Variants in NPAS3 observed in about 807,000 individuals in gnomAD.
NPAS3 encodes neuronal PAS domain-containing protein 3.
A neutral mutation model predicts 73.1 loss-of-function variants in NPAS3; 14 were observed. That is an observed-to-expected ratio of 0.19 (90% CI 0.13 to 0.30). The LOEUF is 0.30. NPAS3 is among the 10% of genes least tolerant of loss of function. The pLI, the probability that NPAS3 is intolerant of heterozygous loss-of-function variation, is 1.00. For missense variants in NPAS3, 1,096 were observed against 1,250.0 expected (o/e 0.88, Z 1.86); for synonymous variants, 620 against 541.5 (o/e 1.14, Z -2.01).
At chr14:33,281,589 G>A (rs547469101) in intron 3 of NPAS3, among the ~76,000 whole-genome samples, 5 of 152,244 alleles carry the variant, frequency 3.3e-5, no homozygotes, top group Admixed American at 6.5e-5. Context: ...CCAAGATCGC[G>A]TCATTGCACT....
intron 4 of NPAS3, among the ~76,000 whole-genome samples, chr14:33,432,886 T>C (rs1341675716): frequency 6.6e-6 from 1 of 152,208 alleles, no homozygotes; most frequent in Non-Finnish European, 1.5e-5. Context: ...ACCAATAATT[T>C]TAGTAATGAA....
At chr14:33,699,161 CAT>C (rs1406689145) in intron 6 of NPAS3, among the ~76,000 whole-genome samples, 2 of 152,080 alleles carry the variant, frequency 1.3e-5, no homozygotes, top group African/African-American at 2.4e-5. Context: ...CAAAAAAAAA[CAT>C]GTGCATGTGT....
chr14:33,555,889 G>GGT (rs142802411), intron 4 of NPAS3, among the ~76,000 whole-genome samples: 42,605 of 148,252 alleles, frequency 0.29, 5,978 homozygotes, highest in African/African-American at 0.31. Context: ...AATTGTTGTT[G>GGT]GTGTGTCTGT....
intron 1 of NPAS3, among the ~76,000 whole-genome samples, chr14:32,984,154 A>G (rs1221811069): frequency 1.3e-5 from 2 of 152,246 alleles, no homozygotes; most frequent in African/African-American, 4.8e-5. Context: ...ATGTTGTGAA[A>G]GAGAGTTGCC....
intron 7 of NPAS3, among the ~76,000 whole-genome samples, chr14:33,765,481 AG>A (rs771372417): frequency 5.9e-5 from 9 of 152,060 alleles, no homozygotes; most frequent in Non-Finnish European, 1.0e-4. Context: ...ACAGCACTAC[AG>A]TGCAGCCCAC....
At chr14:33,753,410 A>T (rs1319119042) in intron 7 of NPAS3, among the ~76,000 whole-genome samples, 1 of 151,782 alleles carries the variant, frequency 6.6e-6, no homozygotes, top group East Asian at 1.9e-4. Context: ...GCTCAAAAGA[A>T]CATTCCCAAG....
chr14:33,585,665 A>C lies in NPAS3; in HGVS notation c.558+25455A>C, dbSNP rs1284408946. 2.0e-5 allele frequency among the ~76,000 whole-genome samples: 3 copies of C among 152,206 alleles called. No individual in the cohort carries two copies. The East Asian group carries it at 5.8e-4, about 29-fold the overall frequency. ...ATGACTCTTATATTAATCTTAAGCT[A>C]TGCAATGCCAACCTATTATCAGAAC... On this transcript the variant is annotated intron_variant, in intron 5 of 11. Transcript: ENST00000356141.
At chr14:33,583,451 G>A (rs958662641) in intron 5 of NPAS3, 1 of 152,138 alleles carries the variant, frequency 6.6e-6, no homozygotes, top group African/African-American at 2.4e-5. Flanking sequence ...TTCTTGCTTA[G>A]TGGTCTTTTA....
chr14:33,551,832 T>A (rs1332782157), intron 4 of NPAS3, among the ~76,000 whole-genome samples: 1 of 152,220 alleles, frequency 6.6e-6, no homozygotes. Flanking sequence ...GTCTTTTGAC[T>A]GCATGTTTTC....
At chr14:33,689,004 A>G (rs1021385181) in intron 6 of NPAS3, among the ~76,000 whole-genome samples, 4 of 152,224 alleles carry the variant, frequency 2.6e-5, no homozygotes, top group Non-Finnish European at 5.9e-5. Context: ...AGGTTACCCT[A>G]ATAATTGAGA....
chr14:33,773,812 C>T (rs954099369), intron 7 of NPAS3, among the ~76,000 whole-genome samples: 1 of 152,220 alleles, frequency 6.6e-6, no homozygotes, highest in African/African-American at 2.4e-5. Flanking sequence ...CAGGAAATAT[C>T]TATCCTTGAA....
intron 2 of NPAS3, among the ~76,000 whole-genome samples, chr14:33,099,422 T>C (rs187760564): frequency 2.1e-4 from 32 of 152,302 alleles, no homozygotes; most frequent in African/African-American, 7.7e-4. Flanking sequence ...CCATGGACTC[T>C]ATGAATCTCA....
At chr14:33,616,328 G>A (rs1423112824) in intron 5 of NPAS3, among the ~76,000 whole-genome samples, 2 of 152,290 alleles carry the variant, frequency 1.3e-5, no homozygotes, top group Middle Eastern at 3.4e-3. Context: ...TGTTCTGAAA[G>A]ATGTTCTTGA....
intron 2 of NPAS3, among the ~76,000 whole-genome samples, chr14:33,210,990 G>A (rs1483007542): frequency 6.6e-6 from 1 of 152,160 alleles, no homozygotes; most frequent in Non-Finnish European, 1.5e-5. Context: ...TTATTAATGA[G>A]CATTGCAGGC....
At chr14:33,631,593 A>G (rs2058378437) in intron 5 of NPAS3, among the ~76,000 whole-genome samples, 3 of 152,216 alleles carry the variant, frequency 2.0e-5, no homozygotes, top group Non-Finnish European at 4.4e-5. Context: ...CTAGCAGCCA[A>G]CCAGCTCGAA....
intron 2 of NPAS3, among the ~76,000 whole-genome samples, chr14:33,139,328 A>G (rs914768740): frequency 2.0e-5 from 3 of 152,180 alleles, no homozygotes; most frequent in Admixed American, 6.5e-5. Flanking sequence ...AACCCATACC[A>G]TTCAATCAGT....
chr14:33,559,946 G>A lies in NPAS3; in HGVS notation c.469-175G>A, dbSNP rs968588578. Among the ~76,000 whole-genome samples the A allele has an allele frequency of 2.7e-5, 4 of 150,558 alleles. No homozygotes were observed. In the East Asian group the frequency reaches 7.9e-4, roughly 30 times the overall value. On this transcript the variant is annotated intron_variant, in intron 4 of 11. Transcript: ENST00000356141. ...AGGCAGGAGAACCCAGGAGGTAGAG[G>A]TTGCAGTGAGCCGAGATTGTGCCAC...
At chr14:33,749,291 A>C (rs1045915302) in intron 7 of NPAS3, among the ~76,000 whole-genome samples, 47 of 152,150 alleles carry the variant, frequency 3.1e-4, no homozygotes, top group African/African-American at 1.1e-3. Flanking sequence ...TGTTCTTTTT[A>C]AAGTTATCTA....
At chr14:33,605,408 A>AC (rs2057527122) in intron 5 of NPAS3, among the ~76,000 whole-genome samples, 1 of 150,652 alleles carries the variant, frequency 6.6e-6, no homozygotes, top group Non-Finnish European at 1.5e-5. Context: ...AAAAAAAAAA[A>AC]AACACAAACC....
Sources: allele counts gnomAD v4.1 joint callset (sites outside exome capture counted in the v4.1 genomes callset), GRCh38; gene constraint gnomAD v4.1.1; transcripts MANE v1.5; gene names NCBI Gene and HGNC (gene_info 2026-07-23, HGNC 2026-07-21).